FGF14: variants seen among roughly 807,000 people sequenced by gnomAD.
The protein encoded by FGF14 is fibroblast growth factor 14.
In FGF14, 5 loss-of-function variants were observed where a neutral mutation model predicts 25.5. The observed-to-expected ratio is 0.20, with a 90% CI of 0.10 to 0.41. FGF14 has a LOEUF of 0.41. Ranked by LOEUF, FGF14 falls within the 10% of genes least tolerant of loss-of-function variation. The probability of loss-of-function intolerance (pLI) is 1.00; values close to 1 mark genes in which losing one functional copy is unlikely to be tolerated. For missense variants in FGF14, 222 were observed against 320.1 expected (o/e 0.69, Z 2.34); for synonymous variants, 138 against 118.3 (o/e 1.17, Z -1.08).
At chr13:101,968,530 A>G (rs953404365) in intron 1 of FGF14, among the ~76,000 whole-genome samples, 17 of 152,008 alleles carry the variant, frequency 1.1e-4, no homozygotes, top group Admixed American at 7.2e-4. Flanking sequence ...AAAATTAGCC[A>G]GGCGTGGTGG....
intron 1 of FGF14, among the ~76,000 whole-genome samples, chr13:102,029,495 T>A (rs1003635115): frequency 6.6e-6 from 1 of 151,998 alleles, no homozygotes; most frequent in African/African-American, 2.4e-5. Context: ...CAGTATAGCA[T>A]CATGTGTGTA....
At chr13:101,902,666 A>G (rs1464582321) in intron 1 of FGF14, among the ~76,000 whole-genome samples, 1 of 152,226 alleles carries the variant, frequency 6.6e-6, no homozygotes, top group Non-Finnish European at 1.5e-5. Flanking sequence ...TCCTGAAGCC[A>G]TAAAGCAATT....
chr13:102,080,050 T>C (rs949989415), intron 1 of FGF14, among the ~76,000 whole-genome samples: 2 of 151,500 alleles, frequency 1.3e-5, no homozygotes, highest in African/African-American at 4.9e-5. Context: ...AAGGATGGGG[T>C]GGGAGGGAAG....
chr13:101,834,247 T>C (rs1477506393), intron 3 of FGF14, among the ~76,000 whole-genome samples: 1 of 152,082 alleles, frequency 6.6e-6, no homozygotes, highest in Non-Finnish European at 1.5e-5. Context: ...TATTAGACCA[T>C]AGTGTTGATC....
chr13:102,370,504 G>A (rs1008930297), intron 1 of FGF14, among the ~76,000 whole-genome samples: 1 of 151,958 alleles, frequency 6.6e-6, no homozygotes, highest in Non-Finnish European at 1.5e-5. Flanking sequence ...TCCCACCTCG[G>A]CCTCCTGAGT....
At chr13:101,915,610 T>TTTCAA (rs1408194999) in intron 1 of FGF14, among the ~76,000 whole-genome samples, 1 of 72,842 alleles carries the variant, frequency 1.4e-5, no homozygotes, top group African/African-American at 5.8e-5. Flanking sequence ...GACCCTGGCA[T>TTTCAA]TTCAAAGGCA....
chr13:102,278,003 C>T (rs951357966), intron 1 of FGF14, among the ~76,000 whole-genome samples: 5 of 152,160 alleles, frequency 3.3e-5, no homozygotes, highest in African/African-American at 1.2e-4. Flanking sequence ...AGAGTACATG[C>T]TTTTCTCTTG....
intron 1 of FGF14, among the ~76,000 whole-genome samples, chr13:102,198,354 A>G (rs903614803): frequency 2.0e-5 from 3 of 152,212 alleles, no homozygotes; most frequent in African/African-American, 7.2e-5. Flanking sequence ...AGACAAATGA[A>G]TGCACACCAG....
At chr13:101,795,732 G>A (rs998387495) in intron 3 of FGF14, among the ~76,000 whole-genome samples, 3 of 152,092 alleles carry the variant, frequency 2.0e-5, no homozygotes, top group East Asian at 3.9e-4. Context: ...CAGGAATCAC[G>A]TCTTAGGATG....
chr13:101,867,237 A>C (rs139355560), intron 3 of FGF14, among the ~76,000 whole-genome samples: 1 of 152,242 alleles, frequency 6.6e-6, no homozygotes, highest in Non-Finnish European at 1.5e-5. Context: ...CAATACTTTT[A>C]TTTTAGGCTA....
At chr13:101,868,146 T>C (rs892167099) in intron 3 of FGF14, among the ~76,000 whole-genome samples, 1 of 152,168 alleles carries the variant, frequency 6.6e-6, no homozygotes, top group Non-Finnish European at 1.5e-5. Context: ...AAATTCTAAC[T>C]ACATTATATG....
At chr13:102,119,206 C>T (rs2045607230) in intron 1 of FGF14, among the ~76,000 whole-genome samples, 1 of 152,194 alleles carries the variant, frequency 6.6e-6, no homozygotes, top group Non-Finnish European at 1.5e-5. Context: ...TTTACGCTTA[C>T]CTTCCTTATT....
chr13:102,255,009 G>A (rs1396750581), intron 1 of FGF14, among the ~76,000 whole-genome samples: 2 of 152,142 alleles, frequency 1.3e-5, no homozygotes, highest in African/African-American at 4.8e-5. Flanking sequence ...TCCTGCTTTG[G>A]AAGAAAATGT....
At chr13:101,874,930 T>C (rs2045313838) in intron 2 of FGF14, among the ~76,000 whole-genome samples, 1 of 152,140 alleles carries the variant, frequency 6.6e-6, no homozygotes, top group Non-Finnish European at 1.5e-5. Flanking sequence ...ACAGTAATTT[T>C]CTGGGTATGA....
intron 1 of FGF14, among the ~76,000 whole-genome samples, chr13:101,933,419 C>T (rs1566457695): frequency 6.6e-6 from 1 of 152,138 alleles, no homozygotes; most frequent in Non-Finnish European, 1.5e-5. Flanking sequence ...TACAGAATTA[C>T]TGTTATTAAT....
chr13:102,365,807 A>G (rs1050191259), intron 1 of FGF14, among the ~76,000 whole-genome samples: 1 of 152,102 alleles, frequency 6.6e-6, no homozygotes, highest in Non-Finnish European at 1.5e-5. Context: ...GTGGAAATGT[A>G]TATGTGTCTG....
At chr13:101,910,597 A>C (rs1182420829) in intron 1 of FGF14, among the ~76,000 whole-genome samples, 1 of 152,162 alleles carries the variant, frequency 6.6e-6, no homozygotes, top group Non-Finnish European at 1.5e-5. Context: ...TGAATGACAA[A>C]GTAGTACCTA....
At chr13:101,763,737 G>A (rs536818303) in intron 3 of FGF14, among the ~76,000 whole-genome samples, 111 of 152,250 alleles carry the variant, frequency 7.3e-4, no homozygotes, top group African/African-American at 2.3e-3. Flanking sequence ...ATGCACACCC[G>A]TAATCCCAGC....
chr13:102,009,157 C>T (rs16959573), intron 1 of FGF14, among the ~76,000 whole-genome samples: 7,517 of 152,166 alleles, frequency 0.049, 606 homozygotes, highest in African/African-American at 0.17. Flanking sequence ...TCAGGCTTTA[C>T]CATGTACATT....
Sources: gnomAD v4.1 joint callset for allele counts (sites outside exome capture counted in the v4.1 genomes callset) on GRCh38, gnomAD v4.1.1 for gene constraint, MANE v1.5 for transcripts, NCBI Gene and HGNC (gene_info 2026-07-23, HGNC 2026-07-21) for gene names.